The following PKP4 variants were observed in gnomAD, a reference collection of about 807,000 sequenced individuals.
PKP4 encodes the protein plakophilin-4.
Under a neutral mutation model 145.1 loss-of-function variants are expected in PKP4, and 90 were observed. The ratio of observed to expected loss-of-function variants is 0.62; its 90% confidence interval spans 0.52 to 0.74. The LOEUF (loss-of-function observed/expected upper bound fraction) is 0.74. Ranked by LOEUF, PKP4 falls within the 30% of genes least tolerant of loss-of-function variation. The pLI is 0.00. For missense variants in PKP4, 1,340 were observed against 1,482.7 expected (o/e 0.90, Z 1.58); for synonymous variants, 563 against 577.2 (o/e 0.98, Z 0.35).
intron 19 of PKP4, among the ~76,000 whole-genome samples, chr2:158,675,109 C>G (rs983815430): frequency 3.9e-5 from 6 of 152,166 alleles, no homozygotes; most frequent in Non-Finnish European, 8.8e-5. Flanking sequence ...GAAAAATGCT[C>G]AGAACCTTTT....
chr2:158,569,654 C>CT (rs985470423), intron 2 of PKP4, among the ~76,000 whole-genome samples: 4 of 152,160 alleles, frequency 2.6e-5, no homozygotes, highest in East Asian at 1.9e-4. Context: ...AACAAATAAA[C>CT]TTTTTTTTCA....
chr2:158,570,552 T>A (rs1241359561), intron 2 of PKP4, among the ~76,000 whole-genome samples: 1 of 152,220 alleles, frequency 6.6e-6, no homozygotes, highest in Non-Finnish European at 1.5e-5. Context: ...TAAAAATGCT[T>A]GCTTTCTTAA....
intron 8 of PKP4, 105 bp downstream of exon 8, chr2:158,632,046 T>A: frequency 1.9e-6 from 2 of 1,027,314 alleles, no homozygotes; most frequent in Non-Finnish European, 2.9e-6. Context: ...TGTTGCCCAT[T>A]TGGTTGTCAG....
At chr2:158,601,100 G>A (rs544301235) in intron 3 of PKP4, among the ~76,000 whole-genome samples, 1 of 152,108 alleles carries the variant, frequency 6.6e-6, no homozygotes, top group Admixed American at 6.6e-5. Context: ...ATTTAATTAA[G>A]CATCTGCTGT....
intron 3 of PKP4, among the ~76,000 whole-genome samples, chr2:158,594,528 C>CTTTT (rs2049553702): frequency 1.3e-5 from 2 of 152,130 alleles, no homozygotes; most frequent in Non-Finnish European, 1.5e-5. Flanking sequence ...GGACTAACGG[C>CTTTT]CATTCTGATG....
At chr2:158,557,993 C>T (rs142724172) in intron 2 of PKP4, among the ~76,000 whole-genome samples, 12 of 152,184 alleles carry the variant, frequency 7.9e-5, no homozygotes, top group African/African-American at 1.2e-4. Flanking sequence ...TCAAAGTTGT[C>T]GATATGAGAT....
intron 2 of PKP4, among the ~76,000 whole-genome samples, chr2:158,539,591 G>T (rs188594540): frequency 3.9e-5 from 6 of 152,286 alleles, no homozygotes; most frequent in Admixed American, 3.9e-4. Context: ...TGGCAACTTA[G>T]TTATTTTTCC....
intron 3 of PKP4, among the ~76,000 whole-genome samples, chr2:158,579,849 A>G (rs3771618): frequency 0.082 from 12,464 of 151,994 alleles, 679 homozygotes; most frequent in Middle Eastern, 0.16. Context: ...TTTAAAATAT[A>G]TATATATAGC....
Position 158,636,103 on chromosome 2 carries a change from C to T in PKP4, c.1562+1814C>T, listed in dbSNP as rs1365193647. On this transcript the variant is annotated intron_variant, in intron 9 of 21. Coordinates refer to ENST00000389759, the MANE Select transcript of PKP4 (RefSeq NM_003628.6). ...ATATTTATTAATAACATCAATGATG[C>T]TTCTGAAAGGAGTAACGTAAAAGAC... 2.0e-5 allele frequency among the ~76,000 whole-genome samples: 3 copies of T among 152,030 alleles called. 1 individual carries two copies. Among genetic ancestry groups the T allele is most frequent in the Admixed American group, 6.5e-5 (1 of 15,268 alleles).
intron 9 of PKP4, among the ~76,000 whole-genome samples, chr2:158,638,451 C>A (rs1360710046): frequency 1.3e-5 from 2 of 152,160 alleles, no homozygotes. Flanking sequence ...AAGACTGAAA[C>A]CCAGGCAATC....
At chr2:158,670,810 C>T (rs2057489193) in intron 17 of PKP4, among the ~76,000 whole-genome samples, 1 of 152,212 alleles carries the variant, frequency 6.6e-6, no homozygotes, top group Non-Finnish European at 1.5e-5. Context: ...TGACACCTCA[C>T]TGATTAAGCA....
chr2:158,561,673 T>A (rs1382641817), intron 2 of PKP4, among the ~76,000 whole-genome samples: 1 of 152,238 alleles, frequency 6.6e-6, no homozygotes. Context: ...CCAGGTTACA[T>A]GAGTGCTCGT....
In PKP4 at chr2:158,658,192, C is replaced by T. The variant is rs545775390; in HGVS notation, c.1971C>T (p.Leu657=). 3.7e-6 allele frequency: 6 copies of T among 1,605,280 alleles called. No homozygotes were observed. In the South Asian group the frequency reaches 6.6e-5, roughly 18 times the overall value. ...AVKMTIIRDA[L]STLTNTVIVP... is the part of the protein sequence containing the mutation. The stretch of plus-strand genomic sequence containing the variant: ...AAATGACAATCATTCGAGATGCTCT[C>T]TCAACCTTAACAAACACTGTGATTG... The change falls in exon 12 of 22, where the codon CTC becomes CTT. Residue 657 remains leucine (L), a synonymous_variant. Coordinates refer to ENST00000389759, the MANE Select transcript of PKP4 (RefSeq NM_003628.6).
At chr2:158,519,145 CT>C (rs200077006) in intron 1 of PKP4, among the ~76,000 whole-genome samples, 125 of 145,444 alleles carry the variant, frequency 8.6e-4, no homozygotes, top group African/African-American at 1.4e-3. Flanking sequence ...AAATCTCTCT[CT>C]TTTTTTTTTT....
intron 1 of PKP4, among the ~76,000 whole-genome samples, chr2:158,503,124 A>T (rs768576452): frequency 1.6e-4 from 25 of 152,224 alleles, no homozygotes; most frequent in Non-Finnish European, 3.5e-4. Context: ...AAGGAATTGG[A>T]AAAGCTCTTG....
chr2:158,677,018 A>G, intron 20 of PKP4, 151 bp downstream of exon 20: 2 of 895,838 alleles, frequency 2.2e-6, no homozygotes, highest in Non-Finnish European at 3.6e-6. Flanking sequence ...TACTTTGGGG[A>G]TTGTTGCCTT....
intron 2 of PKP4, among the ~76,000 whole-genome samples, chr2:158,572,103 A>G (rs1322101788): frequency 1.3e-5 from 2 of 152,210 alleles, no homozygotes; most frequent in Admixed American, 6.5e-5. Flanking sequence ...TTCACACCCA[A>G]TGACCATGCA....
chr2:158,515,084 G>A (rs11677605), intron 1 of PKP4, among the ~76,000 whole-genome samples: 29,688 of 152,152 alleles, frequency 0.2, 3,733 homozygotes, highest in Middle Eastern at 0.34. Context: ...TTTCAGTAAA[G>A]TAACTTATAA....
At chr2:158,633,612 A>G (rs1218418293) in intron 8 of PKP4, among the ~76,000 whole-genome samples, 2 of 152,242 alleles carry the variant, frequency 1.3e-5, no homozygotes, top group African/African-American at 4.8e-5. Flanking sequence ...ATGGAAAGCA[A>G]AACCAAAAGA....
Sources: gnomAD v4.1 joint callset for allele counts (sites outside exome capture counted in the v4.1 genomes callset) on GRCh38, gnomAD v4.1.1 for gene constraint, MANE v1.5 for transcripts, NCBI Gene and HGNC (gene_info 2026-07-23, HGNC 2026-07-21) for gene names.